Variants in VGLL3 observed in about 807,000 individuals in gnomAD.
The protein encoded by VGLL3 is transcription cofactor vestigial-like protein 3.
A neutral mutation model predicts 29.2 loss-of-function variants in VGLL3; 18 were observed. That is an observed-to-expected ratio of 0.62 (90% CI 0.43 to 0.91). The LOEUF is 0.91. VGLL3 is among the 40% of genes least tolerant of loss of function. The pLI is 0.00. For synonymous variants in VGLL3, 180 were observed against 151.8 expected (o/e 1.19, Z -1.36); for missense variants, 440 against 413.2 (o/e 1.06, Z -0.56).
At chr3:86,955,021 A>G (rs1360692571) in intron 3 of VGLL3, among the ~76,000 whole-genome samples, 1 of 152,146 alleles carries the variant, frequency 6.6e-6, no homozygotes, top group African/African-American at 2.4e-5. Context: ...ATGCATCTTT[A>G]AAGAGGTTTC....
In VGLL3 at chr3:86,990,197, C is replaced by G. The variant is rs990175944; in HGVS notation, c.126+421G>C. On this transcript the variant is annotated intron_variant, in intron 1 of 3. Transcript: ENST00000398399. Reference sequence around the variant, plus strand: ...GTGAACTCACTCTCCAGGTAGCTTCCCCTACCTCTGTCAGCGCACTTCATC... The same window carrying G: ...GTGAACTCACTCTCCAGGTAGCTTCGCCTACCTCTGTCAGCGCACTTCATC... 5.3e-6 allele frequency: 3 copies of G among 566,144 alleles called. No homozygotes were observed. The African/African-American group carries it at 6.1e-5, about 12-fold the overall frequency. The allele number at this position is 566,144 out of a possible 1,614,324, so 35.1% of individuals were successfully genotyped here. A position where few individuals can be genotyped will look rare whatever the true frequency, so the allele number is the denominator to read the frequency against.
rs754479782 is a variant in VGLL3, at chr3:86,990,795, G to C, written c.-52C>G. On this transcript the variant is annotated 5_prime_UTR_variant, in exon 1 of 4. Transcript: ENST00000398399. The stretch of plus-strand genomic sequence containing the variant: ...AGCTGCCGCCGCCGCTCTACGCGCT[G>C]GCGCGAGGGGCGCGGGCGCCGCCGC... The C allele has an allele frequency of 2.4e-6, 3 of 1,233,922 alleles. No individual in the cohort carries two copies. The highest frequency in any genetic ancestry group is 3.9e-5 in the South Asian group (1 of 25,412). The allele number at this position is 1,233,922 out of a possible 1,614,324, so 76.4% of individuals were successfully genotyped here.
At chr3:86,966,773 GTATATATATATATATA>G (rs55986686) in intron 3 of VGLL3, among the ~76,000 whole-genome samples, 801 of 38,014 alleles carry the variant, frequency 0.021, 15 homozygotes, top group Middle Eastern at 0.083. Context: ...GTGTGTGTGT[GTATATATATATATATA>G]TATATATATA....
intron 3 of VGLL3, among the ~76,000 whole-genome samples, chr3:86,958,200 C>T (rs1355152756): frequency 6.6e-6 from 1 of 151,892 alleles, no homozygotes; most frequent in Non-Finnish European, 1.5e-5. Context: ...TCACAATAAA[C>T]ATTTTTGTAC....
At chr3:86,979,921 A>C (rs980341653) in intron 1 of VGLL3, among the ~76,000 whole-genome samples, 4 of 152,126 alleles carry the variant, frequency 2.6e-5, no homozygotes, top group Admixed American at 2.6e-4. Context: ...TCTGTGTAAT[A>C]CGTTTATAGT....
chr3:86,989,158 T>G (rs1705525559), intron 1 of VGLL3, among the ~76,000 whole-genome samples: 1 of 152,246 alleles, frequency 6.6e-6, no homozygotes, highest in Non-Finnish European at 1.5e-5. Flanking sequence ...AAGCCATATT[T>G]GAAACAACTT....
At chr3:86,989,507 G>C (rs1705533673) in intron 1 of VGLL3, among the ~76,000 whole-genome samples, 1 of 152,156 alleles carries the variant, frequency 6.6e-6, no homozygotes, top group Admixed American at 6.5e-5. Context: ...TTCTAGCAAA[G>C]AGACAGAAGT....
chr3:86,944,647 A>C lies in VGLL3; in HGVS notation c.*2377T>G, dbSNP rs1219643231. ...ATTTCTCAGTTCCTCAGAGCCAATAAACTTTTTGTCTGACAGTTACCGGGA... is the reference window on the plus strand; with the variant it reads ...ATTTCTCAGTTCCTCAGAGCCAATACACTTTTTGTCTGACAGTTACCGGGA... On this transcript the variant is annotated 3_prime_UTR_variant, in exon 4 of 4. Transcript: ENST00000398399. 6.6e-6 allele frequency: 1 copy of C among 152,220 alleles called. No homozygotes were observed. Among genetic ancestry groups the C allele is most frequent in the Non-Finnish European group, 1.5e-5 (1 of 68,064 alleles). The allele number at this position is 152,220 out of a possible 1,614,324, so 9.4% of individuals were successfully genotyped here. A position where few individuals can be genotyped will look rare whatever the true frequency, so the allele number is the denominator to read the frequency against.
intron 3 of VGLL3, among the ~76,000 whole-genome samples, chr3:86,950,273 C>A (rs1218232629): frequency 6.6e-6 from 1 of 152,108 alleles, no homozygotes; most frequent in African/African-American, 2.4e-5. Context: ...AATGAAGTGA[C>A]CTAACATTTT....
At chr3:86,990,516 C>G in intron 1 of VGLL3, 102 bp downstream of exon 1, 1 of 1,292,960 alleles carries the variant, frequency 7.7e-7, no homozygotes. Context: ...CCCAGAGCAT[C>G]CTCTGCGCCA....
rs1041606572 is a variant in VGLL3 at position 86,940,990 on chromosome 3, A to G, written c.*6034T>C. On this transcript the variant is annotated 3_prime_UTR_variant, in exon 4 of 4. Coordinates refer to ENST00000398399, the MANE Select transcript of VGLL3 (RefSeq NM_016206.4). ...TTCAATGCAGTAAAATAATATTTCTATTGTTAGTTTTCAGTTTACCTAATC... is the reference window on the plus strand; with the variant it reads ...TTCAATGCAGTAAAATAATATTTCTGTTGTTAGTTTTCAGTTTACCTAATC... The G allele has an allele frequency of 6.6e-6, 1 of 152,434 alleles. No individual in the cohort carries two copies. 9.4% of individuals were successfully genotyped at this position (152,434 alleles called of 1,614,324 possible). A position where few individuals can be genotyped will look rare whatever the true frequency, so the allele number is the denominator to read the frequency against.
In VGLL3 at chr3:86,990,933, G is replaced by T. The variant is rs1705573655; in HGVS notation, c.-190C>A. ...GGGTCGGGAGGGACTGGCAATCAGC[G>T]GGGGCCCATGCGCGGGCACCTTCAT... On this transcript the variant is annotated 5_prime_UTR_variant, in exon 1 of 4. Transcript: ENST00000398399. The T allele has an allele frequency of 9.2e-7, 1 of 1,089,574 alleles. No individual in the cohort carries two copies. Among genetic ancestry groups the T allele is most frequent in the South Asian group, 4.5e-5 (1 of 22,244 alleles). The allele number at this position is 1,089,574 out of a possible 1,614,324, so 67.5% of individuals were successfully genotyped here.
chr3:86,987,270 C>T (rs577210674), intron 1 of VGLL3, among the ~76,000 whole-genome samples: 12 of 152,248 alleles, frequency 7.9e-5, no homozygotes, highest in South Asian at 2.1e-4. Context: ...ACTCAACCAA[C>T]GTAGCAGAGT....
intron 1 of VGLL3, among the ~76,000 whole-genome samples, chr3:86,989,713 G>A (rs575748476): frequency 3.7e-4 from 56 of 152,058 alleles, no homozygotes; most frequent in African/African-American, 1.3e-3. Context: ...ATAGTCTGAG[G>A]TGGACTCTAT....
intron 3 of VGLL3, among the ~76,000 whole-genome samples, chr3:86,961,301 A>G (rs375189032): frequency 7.2e-4 from 110 of 152,264 alleles, no homozygotes; most frequent in African/African-American, 2.5e-3. Flanking sequence ...AGTCAAGTTT[A>G]AATTTCAGTA....
intron 2 of VGLL3, among the ~76,000 whole-genome samples, chr3:86,978,216 T>C (rs749523105): frequency 7.2e-5 from 11 of 152,140 alleles, no homozygotes; most frequent in Non-Finnish European, 1.3e-4. Context: ...TATTTAGAGA[T>C]CCAAATTGGG....
intron 3 of VGLL3, 123 bp from the exon 4 acceptor site, chr3:86,947,190 T>A (rs1704526598): frequency 4.5e-6 from 3 of 663,026 alleles, no homozygotes; most frequent in Non-Finnish European, 2.8e-6. Flanking sequence ...CTGTGAGTTC[T>A]GACCTGAAGA....
In VGLL3 at chr3:86,978,692, G is replaced by A. The variant is rs749196092; in HGVS notation, c.237C>T (p.Ala79=). The change falls in exon 2 of 4, where the codon GCC becomes GCT. Residue 79 remains alanine, a synonymous_variant. Coordinates refer to ENST00000398399, the MANE Select transcript of VGLL3 (RefSeq NM_016206.4). ...EEEEEEKDQP[A]EMEYLNSRCV... ...AGCGAGAGTTAAGGTACTCCATCTC[G>A]GCAGGCTGGTCTTTCTCCTCCTCCT... The A allele has an allele frequency of 1.9e-5, 31 of 1,613,930 alleles. No homozygotes were observed. Among genetic ancestry groups the A allele is most frequent in the Non-Finnish European group, 2.5e-5 (30 of 1,179,976 alleles).
intron 3 of VGLL3, among the ~76,000 whole-genome samples, chr3:86,961,710 G>A (rs1453399737): frequency 6.6e-6 from 1 of 152,086 alleles, no homozygotes; most frequent in Admixed American, 6.6e-5. Context: ...TACTATTCTA[G>A]GTGTTATCTC....
Sources: allele counts gnomAD v4.1 joint callset (sites outside exome capture counted in the v4.1 genomes callset), GRCh38; gene constraint gnomAD v4.1.1; transcripts MANE v1.5; gene names NCBI Gene and HGNC (gene_info 2026-07-23, HGNC 2026-07-21).